Variants in PPEF1 observed in about 807,000 individuals in gnomAD.
PPEF1 encodes the protein serine/threonine-protein phosphatase with EF-hands 1.
A neutral mutation model predicts 53.3 loss-of-function variants in PPEF1; 12 were observed. The observed-to-expected ratio is 0.23, with a 90% CI of 0.14 to 0.36. PPEF1 has a LOEUF of 0.36. PPEF1 is among the 10% of genes least tolerant of loss of function. The pLI is 1.00. For synonymous variants in PPEF1, 165 were observed against 176.7 expected, an observed-to-expected ratio of 0.93 and a Z score of 0.52; for missense variants, 334 against 490.4, an observed-to-expected ratio of 0.68 and a Z score of 3.01.
upstream of PPEF1, among the ~76,000 whole-genome samples, chrX:18,706,321 A>T (rs1020441659): frequency 1.8e-5 from 2 of 109,983 alleles, no homozygotes; most frequent in Admixed American, 1.9e-4. Flanking sequence ...GTGACAGTAT[A>T]CTATGGAAAG....
chrX:18,766,943 C>T (rs1238981002), intron 6 of PPEF1, among the ~76,000 whole-genome samples: 1 of 111,201 alleles, frequency 9.0e-6, no homozygotes, highest in African/African-American at 3.3e-5. Context: ...TCCCAGCTAC[C>T]TGGGAGGCTG....
At chrX:18,690,454 G>A (rs1929310298) in intron 3 of PPEF1, among the ~76,000 whole-genome samples, 1 of 104,101 alleles carries the variant, frequency 9.6e-6, no homozygotes, top group African/African-American at 3.6e-5. Context: ...TCAGCTCACT[G>A]CAACCTCCAC....
At chrX:18,786,939 C>A (rs7876241) in intron 9 of PPEF1, among the ~76,000 whole-genome samples, 55,397 of 109,084 alleles carry the variant, frequency 0.51, 10,690 homozygotes, top group African/African-American at 0.57. Context: ...GTGGGCCAGC[C>A]ATTTTCTCAG....
chrX:18,675,499 G>A (rs779751462), upstream of PPEF1, among the ~76,000 whole-genome samples: 1 of 112,614 alleles, frequency 8.9e-6, no homozygotes, highest in East Asian at 2.9e-4. Context: ...ACCTCTACCC[G>A]CTCCCCTGCC....
upstream of PPEF1, among the ~76,000 whole-genome samples, chrX:18,707,018 G>A (rs1405802983): frequency 2.8e-5 from 3 of 107,828 alleles, no homozygotes; most frequent in Admixed American, 9.9e-5. Flanking sequence ...TAGTAGAGAC[G>A]GGGTTTCACC....
chrX:18,706,819 T>C (rs1321791891), upstream of PPEF1, among the ~76,000 whole-genome samples: 1 of 34,037 alleles, frequency 2.9e-5, no homozygotes. Flanking sequence ...TCAAACCTCC[T>C]TTTTTTTTTT....
chrX:18,708,229 A>G (rs1257181352), intron 1 of PPEF1, among the ~76,000 whole-genome samples: 1 of 112,154 alleles, frequency 8.9e-6, no homozygotes, highest in Non-Finnish European at 1.9e-5. Flanking sequence ...CAATGATCAC[A>G]TTATTTCTAT....
At chrX:18,711,571 T>C (rs1053550684) in intron 1 of PPEF1, among the ~76,000 whole-genome samples, 3 of 111,699 alleles carry the variant, frequency 2.7e-5, no homozygotes, top group Admixed American at 9.6e-5. Flanking sequence ...ATTCATTTTT[T>C]GCATGTGGAT....
At chrX:18,819,435 C>T (rs1305016751) in intron 13 of PPEF1, among the ~76,000 whole-genome samples, 2 of 111,927 alleles carry the variant, frequency 1.8e-5, no homozygotes, top group Non-Finnish European at 3.8e-5. Context: ...GTAATCCCAG[C>T]ACCTTGGGAG....
upstream of PPEF1, among the ~76,000 whole-genome samples, chrX:18,681,485 G>A (rs921772577): frequency 3.6e-5 from 4 of 111,386 alleles, no homozygotes; most frequent in Non-Finnish European, 5.6e-5. Context: ...TCAAGCCAGG[G>A]CAATGAGTTC....
At chrX:18,779,394 C>T (rs1028204758) in intron 7 of PPEF1, among the ~76,000 whole-genome samples, 2 of 110,973 alleles carry the variant, frequency 1.8e-5, no homozygotes, top group African/African-American at 6.6e-5. Context: ...CAGTTCTGTC[C>T]GTTCTTCTCC....
intron 2 of PPEF1, among the ~76,000 whole-genome samples, chrX:18,685,239 A>C (rs1929024020): frequency 8.9e-6 from 1 of 112,478 alleles, no homozygotes; most frequent in Non-Finnish European, 1.9e-5. Flanking sequence ...ATTTTTACTA[A>C]TGATTTCAAG....
At chrX:18,683,026 A>G (rs1489724368) in intron 1 of PPEF1, among the ~76,000 whole-genome samples, 1 of 111,663 alleles carries the variant, frequency 9.0e-6, no homozygotes, top group Non-Finnish European at 1.9e-5. Context: ...AGAGCCAGGC[A>G]AAAGGGGAAG....
In PPEF1 at chrX:18,714,269, G is replaced by GTTTTTTTTTTTTTTTT. The variant is rs752286222; in HGVS notation, c.46+6450_46+6451insTTTTTTTTTTTTTTTT. 3.2e-5 allele frequency among the ~76,000 whole-genome samples: 2 copies of GTTTTTTTTTTTTTTTT among 61,950 alleles called. 1 individual carries two copies. The highest frequency in any genetic ancestry group is 7.0e-5 in the Non-Finnish European group (2 of 28,447). 53.8% of individuals were successfully genotyped at this position (61,950 alleles called of 115,157 possible). A position where few individuals can be genotyped will look rare whatever the true frequency, so the allele number is the denominator to read the frequency against. On this transcript the variant is annotated intron_variant, in intron 1 of 15. Coordinates refer to ENST00000470157, the MANE Select transcript of PPEF1 (RefSeq NM_001377996.1). ...GTGGTACTTGGTAAGTTTGTTTTTC[G>GTTTTTTTTTTTTTTTT]TTTTTTTGTTTTTTTTTTTTGAGAT...
intron 3 of PPEF1, among the ~76,000 whole-genome samples, chrX:18,735,418 G>A (rs2044952208): frequency 8.9e-6 from 1 of 111,854 alleles, no homozygotes; most frequent in Non-Finnish European, 1.9e-5. Context: ...TGTCAGGTTT[G>A]TCAAATACCA....
chrX:18,715,992 G>A (rs1480229153), intron 1 of PPEF1, among the ~76,000 whole-genome samples: 6 of 111,784 alleles, frequency 5.4e-5, no homozygotes, highest in Non-Finnish European at 1.1e-4. Context: ...TTCTTCCCTT[G>A]AGACCACTTA....
At chrX:18,711,987 T>G (rs2044341406) in intron 1 of PPEF1, among the ~76,000 whole-genome samples, 1 of 111,581 alleles carries the variant, frequency 9.0e-6, no homozygotes, top group African/African-American at 3.3e-5. Context: ...CTCCTGACCT[T>G]GTGATCCGCC....
At chrX:18,795,246 G>A (rs985045195) in intron 10 of PPEF1, among the ~76,000 whole-genome samples, 1 of 112,078 alleles carries the variant, frequency 8.9e-6, no homozygotes, top group African/African-American at 3.2e-5. Context: ...GGAGGCGGAG[G>A]CTGCAGTGAG....
At chrX:18,745,905 A>G (rs892831628) in intron 3 of PPEF1, among the ~76,000 whole-genome samples, 23 of 112,121 alleles carry the variant, frequency 2.1e-4, no homozygotes, top group African/African-American at 5.8e-4. Flanking sequence ...ATGTAGTTCA[A>G]TTGTTGCTTT....
Sources: gnomAD v4.1 joint callset for allele counts (sites outside exome capture counted in the v4.1 genomes callset) on GRCh38, gnomAD v4.1.1 for gene constraint, MANE v1.5 for transcripts, NCBI Gene and HGNC (gene_info 2026-07-23, HGNC 2026-07-21) for gene names.